CAPG: variants seen among roughly 807,000 people sequenced by gnomAD.
CAPG encodes capping actin protein, gelsolin like, also known as macrophage-capping protein.
CAPG carries 32 observed loss-of-function variants against 44.6 expected under a neutral mutation model. The ratio of observed to expected loss-of-function variants is 0.72; its 90% CI spans 0.54 to 0.96. CAPG has a LOEUF of 0.96. Among genes scored for constraint, CAPG ranks in the 50% least tolerant of loss-of-function variants. The pLI is 0.00. For missense variants in CAPG, 412 were observed against 438.3 expected (o/e 0.94, Z 0.54); for synonymous variants, 175 against 179.6 (o/e 0.97, Z 0.20).
intron 1 of CAPG, among the ~76,000 whole-genome samples, chr2:85,403,257 G>A (rs1168181124): frequency 6.6e-6 from 1 of 152,088 alleles, no homozygotes; most frequent in Non-Finnish European, 1.5e-5. Context: ...TATAAAATGG[G>A]CAAATTCCTT....
intron 1 of CAPG, among the ~76,000 whole-genome samples, chr2:85,416,059 T>C (rs1687544861): frequency 6.6e-6 from 1 of 152,086 alleles, no homozygotes; most frequent in Admixed American, 6.6e-5. Context: ...CAATGCAAGA[T>C]ACCATCACCA....
At chr2:85,417,737 G>A (rs1687598121) in intron 1 of CAPG, among the ~76,000 whole-genome samples, 2 of 152,038 alleles carry the variant, frequency 1.3e-5, no homozygotes, top group Admixed American at 1.3e-4. Flanking sequence ...GCTTGCCTCA[G>A]CCTCCCAAAA....
chr2:85,392,284 A>C (rs113925694), downstream of CAPG, among the ~76,000 whole-genome samples: 4 of 152,016 alleles, frequency 2.6e-5, no homozygotes, highest in Admixed American at 6.6e-5. Context: ...CAGCTACTCA[A>C]GAGGCTGAGG....
In CAPG at chr2:85,398,056, C is replaced by G; in HGVS notation, c.856G>C (p.Asp286His). Residue 286 changes from aspartate to histidine, a missense_variant, in exon 8 of 10, where the codon GAC becomes CAC. By Grantham distance (81) the Asp-to-His change is moderately conservative (BLOSUM62 -1). Transcript: ENST00000263867. ...LLISDDCFVL[D>H]NGLCGKIYIW... The stretch of plus-strand genomic sequence containing the variant: ...TAGATCTTGCCACAGAGCCCGTTGT[C>G]CAGCACAAAGCAGTCATCAGATATC... 3 of 1,614,086 alleles carry G rather than the reference C, an allele frequency of 1.9e-6. No homozygotes were observed. The highest frequency in any genetic ancestry group is 2.5e-6 in the Non-Finnish European group (3 of 1,179,992).
At chr2:85,419,398 G>A (rs1314008122), upstream of CAPG, among the ~76,000 whole-genome samples, 1 of 152,224 alleles carries the variant, frequency 6.6e-6, no homozygotes, top group Non-Finnish European at 1.5e-5. Flanking sequence ...CGCTACAGAA[G>A]GGACTTACCC....
downstream of CAPG, among the ~76,000 whole-genome samples, chr2:85,392,024 G>A (rs1686391210): frequency 2.0e-5 from 3 of 152,240 alleles, no homozygotes; most frequent in Admixed American, 1.3e-4. Flanking sequence ...AAGATTGACT[G>A]GTATAAGGCA....
At chr2:85,399,361 G>A in intron 5 of CAPG, 76 bp from the exon 6 acceptor site, 1 of 1,454,090 alleles carries the variant, frequency 6.9e-7, no homozygotes. Context: ...AGGGCGCACA[G>A]CTCTCCCTCT....
chr2:85,417,772 C>T lies in CAPG; in HGVS notation c.-14+495G>A, dbSNP rs147752779. Among the ~76,000 whole-genome samples, 412 of 152,288 alleles carry T rather than the reference C, an allele frequency of 2.7e-3. 3 individuals are homozygous for T. The highest frequency in any genetic ancestry group is 9.4e-3 in the African/African-American group (390 of 41,568). On this transcript the variant is annotated intron_variant, in intron 1 of 5. Coordinates refer to the CAPG transcript ENST00000409275. The stretch of plus-strand genomic sequence containing the variant: ...ATGCTAGGATTACAGGCGTGAGCCA[C>T]TGCGCCCGGCCATACCCTCCCTTTT...
intron 1 of CAPG, among the ~76,000 whole-genome samples, chr2:85,417,764 G>A (rs972554223): frequency 1.3e-5 from 2 of 152,056 alleles, no homozygotes; most frequent in Non-Finnish European, 2.9e-5. Context: ...GATTACAGGC[G>A]TGAGCCACTG....
chr2:85,395,009 C>T lies in CAPG; in HGVS notation c.982-51G>A. 7.5e-7 allele frequency: 1 copy of T among 1,334,876 alleles called. No individual in the cohort carries two copies. Among genetic ancestry groups the T allele is most frequent in the Non-Finnish European group, 1.1e-6 (1 of 927,270 alleles). The allele number at this position is 1,334,876 out of a possible 1,614,324, so 82.7% of individuals were successfully genotyped here. A position where few individuals can be genotyped will look rare whatever the true frequency, so the allele number is the denominator to read the frequency against. ...TGGTTCACAAAGTTGCCACCTCTGC[C>T]TCTGCCCAGGAGGACAGGAGGGGGC... is the stretch of plus-strand genomic sequence containing the variant. On this transcript the variant is annotated intron_variant, in intron 9 of 9. Coordinates refer to ENST00000263867, the MANE Select transcript of CAPG (RefSeq NM_001747.4). The surrounding 1 kb of genome is among the most constrained non-coding windows in gnomAD (Gnocchi z 4.3).
intron 3 of CAPG, 50 bp downstream of exon 3, chr2:85,401,735 C>T (rs761482009): frequency 1.2e-6 from 2 of 1,612,960 alleles, no homozygotes; most frequent in South Asian, 2.2e-5. Context: ...CATACCAGCC[C>T]CCTCCCTCCC....
chr2:85,407,377 AATGCTCACCTGCAC>A (rs1454356064), intron 1 of CAPG, among the ~76,000 whole-genome samples: 2 of 152,082 alleles, frequency 1.3e-5, no homozygotes, highest in African/African-American at 4.8e-5. Flanking sequence ...AACAGTGTCA[AATGCTCACCTGCAC>A]ATTAGAATCA....
At chr2:85,402,690 T>C (rs1278827997) in intron 1 of CAPG, among the ~76,000 whole-genome samples, 1 of 151,964 alleles carries the variant, frequency 6.6e-6, no homozygotes, top group Non-Finnish European at 1.5e-5. Flanking sequence ...GGTGTTGAAC[T>C]CCTAACCTCA....
At chr2:85,399,886 C>A (rs1419835069) in intron 5 of CAPG, among the ~76,000 whole-genome samples, 1 of 151,994 alleles carries the variant, frequency 6.6e-6, no homozygotes, top group African/African-American at 2.4e-5. Flanking sequence ...GGATTACAGG[C>A]ATGTGCCACC....
chr2:85,417,955 G>C (rs1297571020), intron 1 of CAPG, among the ~76,000 whole-genome samples: 1 of 152,162 alleles, frequency 6.6e-6, no homozygotes, highest in Non-Finnish European at 1.5e-5. Flanking sequence ...CGTTAAAGCA[G>C]AGTTGTAGGC....
At chr2:85,414,297 C>T (rs541915582), upstream of CAPG, among the ~76,000 whole-genome samples, 9 of 152,294 alleles carry the variant, frequency 5.9e-5, 1 homozygote, top group African/African-American at 2.2e-4. Flanking sequence ...TCTGTGAGAG[C>T]CTACTATGTG....
chr2:85,411,937 C>G (rs1687423517), upstream of CAPG, among the ~76,000 whole-genome samples: 5 of 151,808 alleles, frequency 3.3e-5, no homozygotes. Flanking sequence ...TCATGGGTGC[C>G]TGTAATCCTA....
chr2:85,408,250 G>A (rs1466813325), intron 1 of CAPG, among the ~76,000 whole-genome samples: 2 of 151,856 alleles, frequency 1.3e-5, no homozygotes, highest in African/African-American at 4.8e-5. Flanking sequence ...GCTGAGGCAG[G>A]AGAATTGCTG....
At chr2:85,397,337 C>T (rs1045039054) in intron 8 of CAPG, among the ~76,000 whole-genome samples, 1 of 152,170 alleles carries the variant, frequency 6.6e-6, no homozygotes, top group Non-Finnish European at 1.5e-5. Context: ...GGAGCCCAGC[C>T]ATCTAAACAG....
Sources: allele counts gnomAD v4.1 joint callset (sites outside exome capture counted in the v4.1 genomes callset), GRCh38; gene constraint gnomAD v4.1.1; non-coding constraint Gnocchi (gnomAD v3.1); transcripts MANE v1.5; gene names NCBI Gene and HGNC (gene_info 2026-07-23, HGNC 2026-07-21).